LGR5: variants seen among roughly 807,000 people sequenced by gnomAD.
LGR5 encodes leucine-rich repeat-containing G protein-coupled receptor 5.
Under a neutral mutation model 76.7 loss-of-function variants are expected in LGR5, and 54 were observed. The observed-to-expected ratio is 0.70, with a 90% CI of 0.57 to 0.88. LGR5 has a LOEUF of 0.88. Ranked by LOEUF, LGR5 falls within the 40% of genes least tolerant of loss-of-function variation. The pLI, the probability that LGR5 is intolerant of heterozygous loss-of-function variation, is 0.00. For synonymous variants in LGR5, 406 were observed against 421.9 expected (o/e 0.96, Z 0.46); for missense variants, 1,078 against 1,073.3 (o/e 1.00, Z -0.06).
chr12:71,556,839 C>T, intron 6 of LGR5, 149 bp downstream of exon 6: 1 of 650,972 alleles, frequency 1.5e-6, no homozygotes, highest in Admixed American at 2.5e-5. Context: ...CTTACACACA[C>T]AACCCCCACA....
Position 71,583,722 on chromosome 12 carries a change from C to T in LGR5, c.1712C>T (p.Ala571Val). The T allele has an allele frequency of 1.2e-6, 2 of 1,614,100 alleles. No individual in the cohort carries two copies. The highest frequency in any genetic ancestry group is 2.2e-5 in the South Asian group (2 of 91,080). ...RIGVWTIAVL[A>V]LTCNALVTST... ...GGAGTGTGGACCATAGCAGTTCTGG[C>T]ACTTACTTGTAATGCTTTGGTGACT... The change falls in exon 18 of 18, where the codon GCA becomes GTA. Residue 571 changes from alanine (A) to valine (V), a missense_variant. Physicochemically the swap from Ala to Val is moderately conservative, Grantham distance 64 (BLOSUM62 0). Coordinates refer to ENST00000266674, the MANE Select transcript of LGR5 (RefSeq NM_003667.4).
intron 3 of LGR5, 82 bp downstream of exon 3, chr12:71,524,559 T>C: frequency 1.1e-6 from 1 of 896,164 alleles, no homozygotes. Context: ...GCTGAGTGTC[T>C]CTAATACACT....
intron 1 of LGR5, among the ~76,000 whole-genome samples, chr12:71,482,880 T>C (rs924865043): frequency 3.3e-5 from 5 of 152,198 alleles, no homozygotes; most frequent in Non-Finnish European, 7.3e-5. Context: ...TATAGCACAG[T>C]CTTCGTTAGG....
chr12:71,486,056 G>T (rs990551212), intron 1 of LGR5, among the ~76,000 whole-genome samples: 2 of 152,142 alleles, frequency 1.3e-5, no homozygotes, highest in African/African-American at 4.8e-5. Context: ...GAGCCAGCAC[G>T]CCAGGCCAAT....
Position 71,440,098 on chromosome 12 carries a change from C to T in LGR5, c.18C>T (p.Leu6=). 1.9e-6 allele frequency: 3 copies of T among 1,604,350 alleles called. No homozygotes were observed. The highest frequency in any genetic ancestry group is 2.5e-6 in the Non-Finnish European group (3 of 1,179,876). The change falls in exon 1 of 18, where the codon CTC becomes CTT. Residue 6 remains leucine, a synonymous_variant. Transcript: ENST00000266674. The surrounding 1 kb of genome is among the most constrained non-coding windows in gnomAD (Gnocchi z 5.3). MDTSR[L]GVLLSLPVLL... is the part of the protein sequence containing the mutation. ...CGGGCACCATGGACACCTCCCGGCT[C>T]GGTGTGCTCCTGTCCTTGCCTGTGC...
At chr12:71,480,727 C>A (rs546729331) in intron 1 of LGR5, among the ~76,000 whole-genome samples, 1 of 152,124 alleles carries the variant, frequency 6.6e-6, no homozygotes, top group Non-Finnish European at 1.5e-5. Flanking sequence ...AGGACTGGAC[C>A]ATGGAGACTT....
At chr12:71,581,063 G>A (rs10879304) in intron 16 of LGR5, among the ~76,000 whole-genome samples, 20,596 of 152,134 alleles carry the variant, frequency 0.14, 1,793 homozygotes, top group African/African-American at 0.25. Flanking sequence ...TAAAGGGTCT[G>A]TTTCTGAGGA....
chr12:71,550,634 T>C (rs941497734), intron 4 of LGR5, among the ~76,000 whole-genome samples: 2 of 151,982 alleles, frequency 1.3e-5, no homozygotes, highest in African/African-American at 4.8e-5. Flanking sequence ...CTAATTTTTT[T>C]TGTATTTTTT....
At chr12:71,528,460 C>T (rs1300700699) in intron 3 of LGR5, among the ~76,000 whole-genome samples, 1 of 151,648 alleles carries the variant, frequency 6.6e-6, no homozygotes, top group East Asian at 1.9e-4. Context: ...AGACCTGTCT[C>T]AAAAAATATA....
intron 4 of LGR5, among the ~76,000 whole-genome samples, chr12:71,552,546 C>T (rs1283976165): frequency 4.2e-5 from 6 of 143,046 alleles, no homozygotes; most frequent in African/African-American, 1.3e-4. Flanking sequence ...GCCTGGGCGA[C>T]AAGAGCGAGA....
rs1478747537 is a variant in LGR5 at position 71,583,721 on chromosome 12, G to A, written c.1711G>A (p.Ala571Thr). The change falls in exon 18 of 18, where the codon GCA becomes ACA. Residue 571 changes from alanine to threonine, a missense_variant. Coordinates refer to ENST00000266674, the MANE Select transcript of LGR5 (RefSeq NM_003667.4). ...RIGVWTIAVLALTCNALVTST... is the reference protein window; with the variant it reads ...RIGVWTIAVLTLTCNALVTST... ...TGGAGTGTGGACCATAGCAGTTCTG[G>A]CACTTACTTGTAATGCTTTGGTGAC... 3 of 1,614,120 alleles carry A rather than the reference G, an allele frequency of 1.9e-6. No individual in the cohort carries two copies. In the South Asian group the frequency reaches 3.3e-5, roughly 18 times the overall value.
intron 1 of LGR5, among the ~76,000 whole-genome samples, chr12:71,488,466 G>C (rs988541048): frequency 6.6e-6 from 1 of 152,158 alleles, no homozygotes; most frequent in Non-Finnish European, 1.5e-5. Context: ...AGGCTCAAGG[G>C]CAGTTTTTCT....
rs149684749 is a variant in LGR5 at position 71,506,636 on chromosome 12, G to T, written c.284+1951G>T. Reference sequence around the variant, plus strand: ...GAATCACAAAATTTCAGAAATAGAGGAGACCCTTTAAAGACTATTCATTCC... The same window carrying T: ...GAATCACAAAATTTCAGAAATAGAGTAGACCCTTTAAAGACTATTCATTCC... On this transcript the variant is annotated intron_variant, in intron 2 of 17. Transcript: ENST00000266674. 1.5e-3 allele frequency among the ~76,000 whole-genome samples: 233 copies of T among 152,232 alleles called. 2 individuals carry two copies. The highest frequency in any genetic ancestry group is 5.4e-3 in the African/African-American group (226 of 41,540).
chr12:71,581,725 C>A (rs1461212037), intron 16 of LGR5, among the ~76,000 whole-genome samples: 1 of 152,174 alleles, frequency 6.6e-6, no homozygotes, highest in Admixed American at 6.5e-5. Flanking sequence ...TATTAGAGAG[C>A]CTACTTTGTG....
At chr12:71,566,796 G>A in intron 10 of LGR5, 45 bp from the exon 11 acceptor site, 2 of 1,587,062 alleles carry the variant, frequency 1.3e-6, no homozygotes, top group Non-Finnish European at 1.7e-6. Context: ...ATGTCACTGT[G>A]TGATGCCTGA....
chr12:71,488,100 T>C (rs1043504898), intron 1 of LGR5, among the ~76,000 whole-genome samples: 6 of 152,202 alleles, frequency 3.9e-5, no homozygotes, highest in African/African-American at 7.2e-5. Flanking sequence ...GATGACTATA[T>C]AGGCAGCAAT....
intron 7 of LGR5, among the ~76,000 whole-genome samples, chr12:71,561,333 A>G (rs1878046860): frequency 6.6e-6 from 1 of 152,184 alleles, no homozygotes; most frequent in Non-Finnish European, 1.5e-5. Context: ...ACCTTTCTTC[A>G]AGTCAGAAAA....
intron 1 of LGR5, among the ~76,000 whole-genome samples, chr12:71,468,275 T>C (rs1219081980): frequency 7.9e-5 from 12 of 152,196 alleles, no homozygotes; most frequent in Non-Finnish European, 5.9e-5. Flanking sequence ...TGATTGCACT[T>C]GATAAAAAAT....
chr12:71,454,508 A>G (rs1272434263), intron 1 of LGR5, among the ~76,000 whole-genome samples: 1 of 152,162 alleles, frequency 6.6e-6, no homozygotes, highest in Non-Finnish European at 1.5e-5. Context: ...GACAAAGGGA[A>G]ATCCTTCAAG....
Sources: gnomAD v4.1 joint callset for allele counts (sites outside exome capture counted in the v4.1 genomes callset) on GRCh38, gnomAD v4.1.1 for gene constraint, Gnocchi (gnomAD v3.1) non-coding constraint, MANE v1.5 for transcripts, NCBI Gene and HGNC (gene_info 2026-07-23, HGNC 2026-07-21) for gene names.